Variants in SLC44A2 observed in about 807,000 individuals in gnomAD.
The protein encoded by SLC44A2 is solute carrier family 44 member 2 (CTL2 blood group), also known as choline transporter-like protein 2.
Under a neutral mutation model 90.8 loss-of-function variants are expected in SLC44A2, and 57 were observed. The ratio of observed to expected loss-of-function variants is 0.63; its 90% CI spans 0.51 to 0.78. The LOEUF (loss-of-function observed/expected upper bound fraction) is 0.78. SLC44A2 is among the 30% of genes least tolerant of loss of function. SLC44A2 has a pLI of 0.00. For synonymous variants in SLC44A2, 355 were observed against 360.7 expected (o/e 0.98, Z 0.18); for missense variants, 794 against 919.7 (o/e 0.86, Z 1.77).
chr19:10,634,279 C>T (rs1040674337), intron 10 of SLC44A2, among the ~76,000 whole-genome samples: 11 of 150,446 alleles, frequency 7.3e-5, no homozygotes, highest in Admixed American at 2.0e-4. Context: ...TGAGCCACCG[C>T]GCCCGGCCAA....
At chr19:10,605,799 G>A (rs556373358) in intron 1 of SLC44A2, among the ~76,000 whole-genome samples, 1 of 152,044 alleles carries the variant, frequency 6.6e-6, no homozygotes, top group Non-Finnish European at 1.5e-5. Flanking sequence ...ATCGAGGCCA[G>A]CCTGGCCAAC....
chr19:10,642,111 C>T (rs1236808561), intron 20 of SLC44A2, among the ~76,000 whole-genome samples: 1 of 149,296 alleles, frequency 6.7e-6, no homozygotes, highest in Non-Finnish European at 1.5e-5. Flanking sequence ...GAGCCAAGAT[C>T]GTACCATGGC....
At position 10,628,011 on chromosome 19, in the gene SLC44A2, T is replaced by C. The variant is rs755872064; in HGVS notation, c.245+7T>C. 6.2e-7 allele frequency: 1 copy of C among 1,611,280 alleles called. No individual in the cohort carries two copies. The highest frequency in any genetic ancestry group is 8.5e-7 in the Non-Finnish European group (1 of 1,178,558). On this transcript the variant is annotated splice_region_variant and intron_variant, in intron 4 of 21. Coordinates refer to ENST00000335757, the MANE Select transcript of SLC44A2 (RefSeq NM_020428.4). ...AGAAGGGCACAAAAAACGAGTGAGT[T>C]GACTCCTTGCGGCCTGGTGGGGCTG...
Position 10,630,382 on chromosome 19 carries a change from C to T in SLC44A2, c.246-675C>T, listed in dbSNP as rs557366225. Among the ~76,000 whole-genome samples, 51 of 152,108 alleles carry T rather than the reference C, an allele frequency of 3.4e-4. No homozygotes were observed. The South Asian group carries it at 9.5e-3, about 28-fold the overall frequency. ...AGAAAAAAAAACAAAAGAGGCCGGG[C>T]GCAGTGGCTCACGCATATAATCCCA... is the stretch of plus-strand genomic sequence containing the variant. On this transcript the variant is annotated intron_variant, in intron 4 of 21. Transcript: ENST00000335757.
chr19:10,626,326 T>C (rs756650475), intron 2 of SLC44A2, 25 bp downstream of exon 2: 2 of 1,554,866 alleles, frequency 1.3e-6, no homozygotes, highest in Non-Finnish European at 1.8e-6. Context: ...TTTTGGGGGG[T>C]TCTCCCCGCT....
chr19:10,635,264 C>T lies in SLC44A2; in HGVS notation c.1148+9C>T. 1 of 1,613,834 alleles carries T rather than the reference C, an allele frequency of 6.2e-7. No homozygotes were observed. Among genetic ancestry groups the T allele is most frequent in the Non-Finnish European group, 8.5e-7 (1 of 1,179,894 alleles). On this transcript the variant is annotated intron_variant, in intron 13 of 21. Transcript: ENST00000335757. ...TGGGCCAGCACTGCTGTGTATCTGC[C>T]CCCAGACACTGATCTCTGACCCCAG... is the stretch of plus-strand genomic sequence containing the variant.
intron 20 of SLC44A2, chr19:10,641,031 G>T: frequency 2.4e-6 from 1 of 408,608 alleles, no homozygotes. Flanking sequence ...AGGTTGCACT[G>T]AGCCAAGGTC....
At chr19:10,620,553 A>G (rs1025886181), upstream of SLC44A2, among the ~76,000 whole-genome samples, 1 of 152,208 alleles carries the variant, frequency 6.6e-6, no homozygotes, top group Admixed American at 6.6e-5. Context: ...TTCACTCTAC[A>G]TACATGTATT....
chr19:10,611,027 T>C (rs1478691814), intron 1 of SLC44A2, among the ~76,000 whole-genome samples: 1 of 152,036 alleles, frequency 6.6e-6, no homozygotes, highest in Non-Finnish European at 1.5e-5. Flanking sequence ...AAAATTTTTT[T>C]TGAGAGGGAG....
rs934481206 is a variant in SLC44A2 at position 10,631,194 on chromosome 19, C to A, written c.330+53C>A. The A allele has an allele frequency of 4.4e-6, 7 of 1,604,480 alleles. No homozygotes were observed. The African/African-American group carries it at 9.4e-5, about 21-fold the overall frequency. On this transcript the variant is annotated intron_variant, in intron 5 of 21. Transcript: ENST00000335757. ...TCCTCTCCCCGCTTCCCATCCTTTT[C>A]CCCCTGTGAATGTGGGCTGCGACCT...
In SLC44A2 at chr19:10,627,778, TG is replaced by T; in HGVS notation, c.145del (p.Ala49LeufsTer2). 1.2e-6 allele frequency: 2 copies of T among 1,614,082 alleles called. No individual in the cohort carries two copies. Among genetic ancestry groups the T allele is most frequent in the Non-Finnish European group, 1.7e-6 (2 of 1,180,028 alleles). ...VFLLLAIVGY[V>X]AVGIIAWTHG... ...CTGCTCCTGGCCATTGTGGGCTACG[TG>T]GCTGTAGGCATCATAGGTGAGTAGA... On this transcript the variant is annotated frameshift_variant, in exon 3 of 22. Coordinates refer to ENST00000335757, the MANE Select transcript of SLC44A2 (RefSeq NM_020428.4). LOFTEE classifies it high-confidence loss of function.
rs571972029 is a variant in SLC44A2, at chr19:10,643,306, C to T, written c.2042C>T (p.Ser681Leu). Residue 681 changes from serine to leucine, a missense_variant, in exon 22 of 22, where the codon TCG (serine) becomes TTG (leucine). Coordinates refer to ENST00000335757, the MANE Select transcript of SLC44A2 (RefSeq NM_020428.4). Reference sequence around the variant, plus strand: ...GAGGACCTGGAGAGGAATGACGGCTCGGCCGAGAGGCCTTACTTCATGTCT... The same window carrying T: ...GAGGACCTGGAGAGGAATGACGGCTTGGCCGAGAGGCCTTACTTCATGTCT... ...FLEDLERNDG[S>L]AERPYFMSST... 2.0e-5 allele frequency: 32 copies of T among 1,611,092 alleles called. No homozygotes were observed. The highest frequency in any genetic ancestry group is 4.0e-5 in the African/African-American group (3 of 74,976).
upstream of SLC44A2, among the ~76,000 whole-genome samples, chr19:10,621,981 C>T (rs982773372): frequency 4.6e-5 from 7 of 152,152 alleles, no homozygotes; most frequent in South Asian, 4.1e-4. Flanking sequence ...AGGCTGGTCT[C>T]GAACTACTGG....
chr19:10,603,254 C>T (rs1260021086), intron 1 of SLC44A2, among the ~76,000 whole-genome samples: 1 of 152,182 alleles, frequency 6.6e-6, no homozygotes, highest in Non-Finnish European at 1.5e-5. Flanking sequence ...CGGGGATGGG[C>T]CCAGGATGTG....
At chr19:10,622,665 G>C (rs1423024792), upstream of SLC44A2, among the ~76,000 whole-genome samples, 1 of 152,080 alleles carries the variant, frequency 6.6e-6, no homozygotes, top group Non-Finnish European at 1.5e-5. Context: ...ACTTTGGGAG[G>C]CTGAGGTGGG....
intron 1 of SLC44A2, among the ~76,000 whole-genome samples, 164 bp downstream of exon 1, chr19:10,625,834 T>C (rs1016372653): frequency 5.3e-5 from 8 of 151,724 alleles, no homozygotes; most frequent in Non-Finnish European, 1.2e-4. Flanking sequence ...ACCCCACTTA[T>C]CCCCCGCAGC....
intron 1 of SLC44A2, among the ~76,000 whole-genome samples, chr19:10,616,039 G>C (rs1415784145): frequency 6.6e-6 from 1 of 151,922 alleles, no homozygotes; most frequent in Non-Finnish European, 1.5e-5. Context: ...ACATGTGCCA[G>C]CTGAGGTGGA....
At chr19:10,615,501 G>A (rs1194886832) in intron 1 of SLC44A2, among the ~76,000 whole-genome samples, 1 of 151,424 alleles carries the variant, frequency 6.6e-6, no homozygotes, top group East Asian at 1.9e-4. Context: ...TTAAACCCGG[G>A]AGGCGGAAGT....
At chr19:10,608,926 G>C (rs550310878) in intron 1 of SLC44A2, among the ~76,000 whole-genome samples, 11 of 149,508 alleles carry the variant, frequency 7.4e-5, no homozygotes, top group African/African-American at 2.7e-4. Context: ...GCTGGGGCTA[G>C]AGTCGTGAGC....
Sources: allele counts gnomAD v4.1 joint callset (sites outside exome capture counted in the v4.1 genomes callset), GRCh38; gene constraint gnomAD v4.1.1; transcripts MANE v1.5; gene names NCBI Gene and HGNC (gene_info 2026-07-23, HGNC 2026-07-21).